ESRRB: variants seen among roughly 807,000 people sequenced by gnomAD.
ESRRB encodes steroid hormone receptor ERR2.
Under a neutral mutation model 46.0 loss-of-function variants are expected in ESRRB, and 16 were observed. The ratio of observed to expected loss-of-function variants is 0.35; its 90% CI spans 0.24 to 0.53. ESRRB has a LOEUF of 0.53. ESRRB is among the 20% of genes least tolerant of loss of function. The pLI is 0.93. For missense variants in ESRRB, 488 were observed against 607.4 expected, an observed-to-expected ratio of 0.80 and a Z score of 2.07; for synonymous variants, 246 against 259.6, an observed-to-expected ratio of 0.95 and a Z score of 0.50.
At position 76,340,270 on chromosome 14, in the gene ESRRB, G is replaced by A. The variant is rs539096719; in HGVS notation, c.2+29354G>A. Reference sequence around the variant, plus strand: ...CTCAGAGTGATGACTGGAACGAGGCGCAGAAAGTGGCTGGGTCAGGAGACG... The same window carrying A: ...CTCAGAGTGATGACTGGAACGAGGCACAGAAAGTGGCTGGGTCAGGAGACG... On this transcript the variant is annotated intron_variant, in intron 1 of 6. Coordinates refer to the ESRRB transcript ENST00000512784. Among the ~76,000 whole-genome samples, 13 of 152,346 alleles carry A rather than the reference G, an allele frequency of 8.5e-5. No homozygotes were observed. The East Asian group carries it at 2.1e-3, about 25-fold the overall frequency.
At position 76,339,220 on chromosome 14, in the gene ESRRB, G is replaced by A. The variant is rs13379325; in HGVS notation, c.2+28304G>A. Among the ~76,000 whole-genome samples, 909 of 152,230 alleles carry A rather than the reference G, an allele frequency of 6.0e-3. 10 individuals are homozygous for A. The highest frequency in any genetic ancestry group is 0.021 in the African/African-American group (862 of 41,534). On this transcript the variant is annotated intron_variant, in intron 1 of 6. Transcript: ENST00000512784. ...CTGAGCCTCTGCTGTGTGGCATCACGGAAATCAGCATCGACTCCACTTGAA... is the reference window on the plus strand; with the variant it reads ...CTGAGCCTCTGCTGTGTGGCATCACAGAAATCAGCATCGACTCCACTTGAA...
intron 1 of ESRRB, among the ~76,000 whole-genome samples, chr14:76,313,978 A>T (rs1408984768): frequency 1.3e-5 from 2 of 152,162 alleles, no homozygotes; most frequent in Non-Finnish European, 2.9e-5. Context: ...CTTGGGGATT[A>T]CATTGAGTTA....
At chr14:76,384,206 A>T (rs1885128558) in intron 1 of ESRRB, among the ~76,000 whole-genome samples, 1 of 152,156 alleles carries the variant, frequency 6.6e-6, no homozygotes, top group South Asian at 2.1e-4. Flanking sequence ...GTTTGTTGAC[A>T]TTGTCTACCT....
At chr14:76,433,464 C>T (rs765007728) in intron 1 of ESRRB, among the ~76,000 whole-genome samples, 3 of 152,180 alleles carry the variant, frequency 2.0e-5, no homozygotes, top group Non-Finnish European at 2.9e-5. Context: ...AAATTCCTTA[C>T]ATTCTCAACA....
intron 1 of ESRRB, among the ~76,000 whole-genome samples, chr14:76,318,265 C>T (rs1462112878): frequency 1.3e-5 from 2 of 152,122 alleles, no homozygotes; most frequent in South Asian, 2.1e-4. Context: ...GCGAGGAGCA[C>T]AGTTGAGGTT....
chr14:76,362,207 T>C (rs753795640), intron 1 of ESRRB, among the ~76,000 whole-genome samples: 5 of 152,186 alleles, frequency 3.3e-5, no homozygotes, highest in Non-Finnish European at 5.9e-5. Flanking sequence ...GTGCTTTCTT[T>C]ACACACACTA....
At chr14:76,381,258 G>A (rs374458674) in intron 1 of ESRRB, among the ~76,000 whole-genome samples, 2 of 152,198 alleles carry the variant, frequency 1.3e-5, no homozygotes, top group East Asian at 1.9e-4. Context: ...AGCTCTGGGG[G>A]ACTGGGAGGC....
At chr14:76,493,694 G>A (rs1429719692) in intron 6 of ESRRB, among the ~76,000 whole-genome samples, 4 of 152,184 alleles carry the variant, frequency 2.6e-5, no homozygotes, top group African/African-American at 9.7e-5. Context: ...CCATATCCCA[G>A]GAAACTCGTC....
intron 2 of ESRRB, among the ~76,000 whole-genome samples, chr14:76,459,129 G>A (rs1010511765): frequency 5.3e-5 from 8 of 152,180 alleles, no homozygotes; most frequent in East Asian, 1.9e-4. Flanking sequence ...ACAGGCGTGA[G>A]CCACCACACC....
At chr14:76,329,917 G>A (rs1476970665) in intron 1 of ESRRB, among the ~76,000 whole-genome samples, 1 of 143,132 alleles carries the variant, frequency 7.0e-6, no homozygotes. Context: ...AAGCGGGCTG[G>A]CTAATTCATT....
chr14:76,466,115 A>G (rs1889099307), intron 3 of ESRRB, among the ~76,000 whole-genome samples: 1 of 152,098 alleles, frequency 6.6e-6, no homozygotes, highest in Admixed American at 6.5e-5. Flanking sequence ...TCTAAAAGGC[A>G]AACTTCACCT....
intron 2 of ESRRB, among the ~76,000 whole-genome samples, chr14:76,461,138 GGCAGTCACA>G (rs1438762677): frequency 6.6e-6 from 1 of 152,314 alleles, no homozygotes; most frequent in East Asian, 1.9e-4. Flanking sequence ...GTATTAGAAA[GGCAGTCACA>G]GCCTCTCCTG....
intron 1 of ESRRB, among the ~76,000 whole-genome samples, chr14:76,327,956 C>G (rs761706527): frequency 2.0e-5 from 3 of 152,040 alleles, no homozygotes; most frequent in Non-Finnish European, 4.4e-5. Context: ...CCAGGTGATT[C>G]ACCCACCTCG....
chr14:76,388,140 G>A (rs1266606868), intron 1 of ESRRB, among the ~76,000 whole-genome samples: 2 of 150,552 alleles, frequency 1.3e-5, no homozygotes, highest in Admixed American at 6.6e-5. Flanking sequence ...GTTATGTGTC[G>A]CTCATTGCAT....
intron 1 of ESRRB, among the ~76,000 whole-genome samples, chr14:76,419,242 T>C (rs2139883515): frequency 6.6e-6 from 1 of 152,202 alleles, no homozygotes; most frequent in South Asian, 2.1e-4. Context: ...CTCGAACTCC[T>C]GACCTCAGGT....
chr14:76,368,046 G>A (rs1884546004), upstream of ESRRB, among the ~76,000 whole-genome samples: 1 of 144,862 alleles, frequency 6.9e-6, no homozygotes, highest in Non-Finnish European at 1.5e-5. Context: ...CCCTCCTCCT[G>A]GGTTCAAGTG....
chr14:76,491,905 A>T (rs908650772), intron 6 of ESRRB, among the ~76,000 whole-genome samples, 189 bp downstream of exon 6: 4 of 152,234 alleles, frequency 2.6e-5, no homozygotes, highest in African/African-American at 9.6e-5. Context: ...ATGAAGGCTG[A>T]CACTGGCTGA....
Position 76,500,247 on chromosome 14 carries a change from T to C in ESRRB, c.*1789T>C. On this transcript the variant is annotated 3_prime_UTR_variant, in exon 7 of 7. Transcript: ENST00000644823. Reference sequence around the variant, plus strand: ...CTGATGGTGTCCCACACAGAAAATGTTAAGGATTTCAAGAGCCCTCCCAGA... The same window carrying C: ...CTGATGGTGTCCCACACAGAAAATGCTAAGGATTTCAAGAGCCCTCCCAGA... The C allele has an allele frequency of 1.6e-6, 1 of 616,618 alleles. No homozygotes were observed. Among genetic ancestry groups the C allele is most frequent in the Non-Finnish European group, 2.8e-6 (1 of 351,530 alleles). 38.2% of individuals were successfully genotyped at this position (616,618 alleles called of 1,614,324 possible).
At chr14:76,497,358 G>C (rs1466907720) in intron 6 of ESRRB, among the ~76,000 whole-genome samples, 1 of 152,112 alleles carries the variant, frequency 6.6e-6, no homozygotes, top group Non-Finnish European at 1.5e-5. Flanking sequence ...ATCACGCTCT[G>C]GGTAATGTGC....
Sources: gnomAD v4.1 joint callset for allele counts (sites outside exome capture counted in the v4.1 genomes callset) on GRCh38, gnomAD v4.1.1 for gene constraint, MANE v1.5 for transcripts, NCBI Gene and HGNC (gene_info 2026-07-23, HGNC 2026-07-21) for gene names.